The following PKD1L1 variants were observed in gnomAD, a reference collection of about 807,000 sequenced individuals.
PKD1L1 encodes polycystin-1-like protein 1.
Under a neutral mutation model 323.4 loss-of-function variants are expected in PKD1L1, and 236 were observed. That is an observed-to-expected ratio of 0.73 (90% CI 0.66 to 0.81). The LOEUF is 0.81. PKD1L1 is among the 40% of genes least tolerant of loss of function. PKD1L1 has a pLI of 0.00. For synonymous variants in PKD1L1, 1,344 were observed against 1,335.0 expected (o/e 1.01, Z -0.15); for missense variants, 3,320 against 3,508.0 (o/e 0.95, Z 1.35).
intron 23 of PKD1L1, among the ~76,000 whole-genome samples, chr7:47,875,237 C>A (rs1449685802): frequency 6.6e-6 from 1 of 152,184 alleles, no homozygotes; most frequent in African/African-American, 2.4e-5. Context: ...TGATTTGTAT[C>A]TAGAAGAAGG....
chr7:47,935,659 C>T (rs917088475), intron 4 of PKD1L1, among the ~76,000 whole-genome samples: 3 of 152,204 alleles, frequency 2.0e-5, no homozygotes, highest in African/African-American at 7.2e-5. Context: ...GAATCATGTG[C>T]GTCCATTGGC....
At chr7:47,858,612 A>T in intron 27 of PKD1L1, 61 bp downstream of exon 27, 1 of 1,460,688 alleles carries the variant, frequency 6.8e-7, no homozygotes, top group South Asian at 1.1e-5. Flanking sequence ...TTACAAATAC[A>T]GGTTAACATC....
At chr7:47,937,971 C>T (rs975661426) in intron 3 of PKD1L1, among the ~76,000 whole-genome samples, 3 of 152,080 alleles carry the variant, frequency 2.0e-5, no homozygotes, top group Non-Finnish European at 4.4e-5. Context: ...AGGGGGGACA[C>T]TTTTGGCCTA....
chr7:47,937,761 T>G (rs1400349188), intron 3 of PKD1L1, among the ~76,000 whole-genome samples: 1 of 152,020 alleles, frequency 6.6e-6, no homozygotes. Context: ...TCAGAGACAA[T>G]GCCACTGGGC....
intron 8 of PKD1L1, among the ~76,000 whole-genome samples, chr7:47,913,340 AC>A (rs1222439327): frequency 6.6e-6 from 1 of 152,172 alleles, no homozygotes; most frequent in African/African-American, 2.4e-5. Context: ...TAGCTCTAGA[AC>A]CGGAACTAAG....
intron 26 of PKD1L1, among the ~76,000 whole-genome samples, chr7:47,863,124 T>C (rs1786068765): frequency 6.6e-6 from 1 of 152,070 alleles, no homozygotes; most frequent in Admixed American, 6.6e-5. Context: ...GACTTCTTTA[T>C]AAGTGAATGG....
rs180843522 is a variant in PKD1L1, at chr7:47,839,494, G to A, written c.5721C>T (p.Arg1907=). The part of the protein sequence containing the change: ...CWLSAGRHDG[R]VERELTCLQG... ...GCAGACAGGTGAGCTCCCGCTCCAC[G>A]CGACCATCATGCCTGCCGGCAGACA... Residue 1907 remains arginine, a synonymous_variant, in exon 36 of 57, where the codon CGC becomes CGT. Coordinates refer to ENST00000289672, the MANE Select transcript of PKD1L1 (RefSeq NM_138295.5). This position sits in a 1 kb window ranked among gnomAD's most constrained non-coding sequence, Gnocchi z 4.3. 7.8e-5 allele frequency: 125 copies of A among 1,612,470 alleles called. No individual in the cohort carries two copies. The East Asian group carries it at 2.0e-3, about 26-fold the overall frequency.
intron 45 of PKD1L1, among the ~76,000 whole-genome samples, chr7:47,825,019 C>T (rs1234363797): frequency 3.3e-5 from 5 of 152,146 alleles, no homozygotes; most frequent in Admixed American, 3.3e-4. Flanking sequence ...TTCAAATTTC[C>T]CCCATAGTGG....
chr7:47,956,109 G>C, the PKD1L1 span, among the ~76,000 whole-genome samples: 1 of 152,110 alleles, frequency 6.6e-6, no homozygotes, highest in Admixed American at 6.5e-5. Flanking sequence ...GAATATCCCA[G>C]AAATTGGGAG....
chr7:47,795,988 C>T lies in PKD1L1; in HGVS notation c.8355+1G>A, dbSNP rs757736959. The stretch of plus-strand genomic sequence containing the variant: ...CAGTAATCCAAGATCTCACAGCTTA[C>T]GTGATTCTCAACCATCTCAGCCTCT... On this transcript the variant is annotated splice_donor_variant, in intron 55 of 56. Transcript: ENST00000289672. LOFTEE classifies it high-confidence loss of function. 6.2e-6 allele frequency: 10 copies of T among 1,611,292 alleles called. No homozygotes were observed. The highest frequency in any genetic ancestry group is 4.4e-5 in the South Asian group (4 of 90,146).
chr7:47,861,196 G>T (rs999183245), intron 26 of PKD1L1, among the ~76,000 whole-genome samples: 4 of 152,234 alleles, frequency 2.6e-5, no homozygotes, highest in Non-Finnish European at 5.9e-5. Flanking sequence ...ATCTGTTACA[G>T]CAGCTAACAT....
intron 31 of PKD1L1, among the ~76,000 whole-genome samples, chr7:47,851,197 C>A (rs1044615147): frequency 4.6e-5 from 7 of 152,142 alleles, no homozygotes; most frequent in African/African-American, 1.4e-4. Context: ...ATGAGCCAAG[C>A]CTCATTGAGG....
chr7:47,780,635 A>AC (rs1196641144), intron 56 of PKD1L1, among the ~76,000 whole-genome samples: 1 of 152,018 alleles, frequency 6.6e-6, no homozygotes, highest in East Asian at 1.9e-4. Context: ...CCTCAAAAAA[A>AC]AAAAGTTATA....
At position 47,858,742 on chromosome 7, in the gene PKD1L1, C is replaced by G. The variant is rs770867625; in HGVS notation, c.4293G>C (p.Glu1431Asp). The change falls in exon 27 of 57, where the codon GAG becomes GAC. Residue 1431 changes from glutamate (E) to aspartate (D), a missense_variant. By Grantham distance (45) the Glu-to-Asp change is conservative. Transcript: ENST00000289672. ...GLISRVWEVS[E>D]QENSKEEVYR... ...AGACTTCCTCCTTCGAGTTTTCTTG[C>G]TCAGAGACTTCCCAGACTCTGGATA... The G allele has an allele frequency of 1.2e-6, 2 of 1,614,150 alleles. No individual in the cohort carries two copies. The highest frequency in any genetic ancestry group is 1.1e-5 in the South Asian group (1 of 91,080).
At chr7:47,857,222 G>C (rs1464666085) in intron 28 of PKD1L1, among the ~76,000 whole-genome samples, 1 of 152,214 alleles carries the variant, frequency 6.6e-6, no homozygotes, top group Non-Finnish European at 1.5e-5. Flanking sequence ...CTCCGCATTT[G>C]ATGTTAGACC....
intron 12 of PKD1L1, 98 bp from the exon 13 acceptor site, chr7:47,902,609 T>G: frequency 6.5e-6 from 9 of 1,376,686 alleles, no homozygotes; most frequent in Non-Finnish European, 6.9e-6. Flanking sequence ...AGAATTATAG[T>G]ATTTGACAGC....
chr7:47,785,087 T>C (rs1412334900), intron 56 of PKD1L1, among the ~76,000 whole-genome samples: 1 of 152,214 alleles, frequency 6.6e-6, no homozygotes, highest in Non-Finnish European at 1.5e-5. Context: ...TGATCATTTT[T>C]AGTTAAGTCT....
intron 54 of PKD1L1, among the ~76,000 whole-genome samples, chr7:47,797,612 T>C (rs934787031): frequency 6.6e-6 from 1 of 152,216 alleles, no homozygotes; most frequent in Non-Finnish European, 1.5e-5. Context: ...TCCAGGTGCC[T>C]AAGCACGACA....
At chr7:47,957,077 T>C in the PKD1L1 span, 2 of 154,146 alleles carry the variant, frequency 1.3e-5, no homozygotes, top group Admixed American at 6.5e-5. Context: ...CATTTGCTTT[T>C]GTGCATATAT....
Sources: allele counts gnomAD v4.1 joint callset (sites outside exome capture counted in the v4.1 genomes callset), GRCh38; gene constraint gnomAD v4.1.1; non-coding constraint Gnocchi (gnomAD v3.1); transcripts MANE v1.5; gene names NCBI Gene and HGNC (gene_info 2026-07-23, HGNC 2026-07-21).